FAM149A: variants seen among roughly 807,000 people sequenced by gnomAD.
The protein encoded by FAM149A is family with sequence similarity 149 member A, also known as protein FAM149A.
Under a neutral mutation model 78.2 loss-of-function variants are expected in FAM149A, and 71 were observed. The observed-to-expected ratio is 0.91, with a 90% CI of 0.75 to 1.11. The LOEUF is 1.11. Among genes scored for constraint, FAM149A ranks in the 50% least tolerant of loss-of-function variants. FAM149A has a pLI of 0.00. For missense variants in FAM149A, 1,036 were observed against 971.0 expected (o/e 1.07, Z -0.89); for synonymous variants, 446 against 410.5 (o/e 1.09, Z -1.04).
At chr4:186,106,907 A>G (rs908730223) in intron 1 of FAM149A, among the ~76,000 whole-genome samples, 25 of 152,308 alleles carry the variant, frequency 1.6e-4, no homozygotes, top group Non-Finnish European at 2.1e-4. Context: ...CCAAGATCGC[A>G]CCATTGCGCT....
intron 1 of FAM149A, among the ~76,000 whole-genome samples, chr4:186,143,288 G>C (rs921788673): frequency 6.7e-6 from 1 of 149,754 alleles, no homozygotes; most frequent in Admixed American, 6.7e-5. Flanking sequence ...CATCACACCA[G>C]ACTCCTTTCT....
In FAM149A at chr4:186,105,089, G is replaced by C. The variant is rs1332941872; in HGVS notation, c.13G>C (p.Val5Leu). 1 of 1,280,340 alleles carries C rather than the reference G, an allele frequency of 7.8e-7. No homozygotes were observed. The highest frequency in any genetic ancestry group is 2.3e-5 in the Admixed American group (1 of 43,192). The allele number at this position is 1,280,340 out of a possible 1,614,324, so 79.3% of individuals were successfully genotyped here. The change falls in exon 1 of 14, where the codon GTG (valine) becomes CTG (leucine). Residue 5 changes from valine (V) to leucine (L), a missense_variant. By Grantham distance (32) the Val-to-Leu change is conservative. This residue lies in a region of FAM149A where 316 missense variants were observed against 241.9 expected (regional missense o/e 1.31). Coordinates refer to ENST00000389354, the MANE Select transcript of FAM149A (RefSeq NM_001367768.3). Reference sequence around the variant, plus strand: ...CCACTGTCGAGGCATGAAGGCTGCTGTGCTGGACCTTGGGTCTCTCTTGGC... The same window carrying C: ...CCACTGTCGAGGCATGAAGGCTGCTCTGCTGGACCTTGGGTCTCTCTTGGC...
intron 1 of FAM149A, chr4:186,116,447 T>C (rs1004832202): frequency 1.0e-6 from 1 of 984,152 alleles, no homozygotes; most frequent in African/African-American, 1.7e-5. Context: ...ATTACAGTCA[T>C]ATGACCATTA....
At chr4:186,150,132 G>C (rs967758785) in intron 3 of FAM149A, among the ~76,000 whole-genome samples, 2 of 129,302 alleles carry the variant, frequency 1.5e-5, no homozygotes, top group African/African-American at 5.0e-5. Context: ...CCTACCGCTG[G>C]GGGCGCTGTT....
intron 5 of FAM149A, 138 bp downstream of exon 5, chr4:186,153,908 C>A: frequency 1.2e-6 from 1 of 839,022 alleles, no homozygotes. Context: ...GTACAGAGAA[C>A]AATTTTTATA....
At chr4:186,106,192 G>A (rs2099308698) in intron 1 of FAM149A, among the ~76,000 whole-genome samples, 1 of 152,082 alleles carries the variant, frequency 6.6e-6, no homozygotes, top group South Asian at 2.1e-4. Flanking sequence ...GCCAGGACAC[G>A]TCTGATTATT....
chr4:186,157,965 C>T (rs1444733279), intron 8 of FAM149A: 4 of 1,515,180 alleles, frequency 2.6e-6, no homozygotes, highest in African/African-American at 1.4e-5. Flanking sequence ...GGTAGGAGCC[C>T]ACGCAGGCGG....
intron 1 of FAM149A, among the ~76,000 whole-genome samples, chr4:186,130,757 T>C (rs1339583433): frequency 6.6e-6 from 1 of 152,010 alleles, no homozygotes; most frequent in East Asian, 1.9e-4. Flanking sequence ...CTCATAGATA[T>C]GAGATGGATT....
intron 10 of FAM149A, 81 bp from the exon 11 acceptor site, chr4:186,165,263 A>G (rs1332566272): frequency 1.0e-5 from 16 of 1,525,228 alleles, no homozygotes; most frequent in Middle Eastern, 1.7e-4. Flanking sequence ...AAACATTGAA[A>G]TCACAGCTCT....
At chr4:186,150,972 G>T (rs1445627391) in intron 3 of FAM149A, 8 of 942,424 alleles carry the variant, frequency 8.5e-6, no homozygotes, top group Non-Finnish European at 1.0e-5. Flanking sequence ...CGCCTGCCTG[G>T]GCCTCCCATG....
intron 1 of FAM149A, chr4:186,117,547 G>T: frequency 2.0e-6 from 2 of 985,442 alleles, no homozygotes; most frequent in Non-Finnish European, 2.4e-6. Context: ...GGACACCTGG[G>T]GCTTGGGAGG....
rs1444099189 is a variant in FAM149A at position 186,173,863 on chromosome 4, T to C, written c.*1876T>C. 2.7e-5 allele frequency among the ~76,000 whole-genome samples: 3 copies of C among 112,052 alleles called. No homozygotes were observed. The highest frequency in any genetic ancestry group is 8.4e-5 in the African/African-American group (3 of 35,702). The allele number at this position is 112,052 out of a possible 152,430, so 73.5% of individuals were successfully genotyped here. A position where few individuals can be genotyped will look rare whatever the true frequency, so the allele number is the denominator to read the frequency against. On this transcript the variant is annotated 3_prime_UTR_variant, in exon 14 of 14. Transcript: ENST00000389354. ...TCCTAAACATTAGCAATAGAAACTT[T>C]TAAGAGCAAATGCCAGTCTTAATTC...
In FAM149A at chr4:186,165,423, A is replaced by AG. The variant is rs745450507; in HGVS notation, c.1974dup (p.Gln659AlafsTer28). On this transcript the variant is annotated frameshift_variant, in exon 11 of 14. Coordinates refer to ENST00000389354, the MANE Select transcript of FAM149A (RefSeq NM_001367768.3). LOFTEE classifies it high-confidence loss of function. ...GTTCCCCCCGCTAGTCACGGAGACC[A>AG]GGGGGCAGAATACAGCAGTTCCTGG... 6.2e-7 allele frequency: 1 copy of AG among 1,614,108 alleles called. No homozygotes were observed. Among genetic ancestry groups the AG allele is most frequent in the Non-Finnish European group, 8.5e-7 (1 of 1,179,946 alleles).
rs1423143712 is a variant in FAM149A, at chr4:186,132,148, G to A, written c.567-17025G>A. The A allele has an allele frequency of 1.6e-5, 16 of 985,278 alleles. 1 individual carries two copies. The South Asian group carries it at 1.9e-4, about 12-fold the overall frequency. 61.0% of individuals were successfully genotyped at this position (985,278 alleles called of 1,614,324 possible). A position where few individuals can be genotyped will look rare whatever the true frequency, so the allele number is the denominator to read the frequency against. ...ATCATTTGACAAATTACCTTGGTAC[G>A]AGATTTTCCAGTTTATGTCACTTTT... On this transcript the variant is annotated intron_variant, in intron 1 of 13. Coordinates refer to ENST00000389354, the MANE Select transcript of FAM149A (RefSeq NM_001367768.3).
chr4:186,171,904 G>A lies in FAM149A; in HGVS notation c.2219-10G>A, dbSNP rs371451227. On this transcript the variant is annotated splice_polypyrimidine_tract_variant and intron_variant, in intron 13 of 13. Coordinates refer to ENST00000389354, the MANE Select transcript of FAM149A (RefSeq NM_001367768.3). ...TTTAATGAGAATTACCTTTTGCTTG[G>A]TGTTTCCAGGTTCACAATATGTGCC... is the stretch of plus-strand genomic sequence containing the variant. 4.4e-6 allele frequency: 7 copies of A among 1,600,114 alleles called. No homozygotes were observed. Among genetic ancestry groups the A allele is most frequent in the African/African-American group, 2.7e-5 (2 of 74,194 alleles).
At chr4:186,140,602 C>T (rs2099325404) in intron 1 of FAM149A, among the ~76,000 whole-genome samples, 4 of 152,028 alleles carry the variant, frequency 2.6e-5, no homozygotes, top group Non-Finnish European at 1.5e-5. Context: ...AATGAATTCG[C>T]CAAACTAGGC....
rs1296403927 is a variant in FAM149A at position 186,116,470 on chromosome 4, A to G, written c.566+10828A>G. ...CATATGACCATTACTGTCATTAAAG[A>G]TAATAATGAATTCAACTTGGTTTTC... On this transcript the variant is annotated intron_variant, in intron 1 of 13. Coordinates refer to ENST00000389354, the MANE Select transcript of FAM149A (RefSeq NM_001367768.3). 3.0e-6 allele frequency: 3 copies of G among 984,340 alleles called. 1 individual carries two copies. The highest frequency in any genetic ancestry group is 9.4e-5 in the South Asian group (2 of 21,266). 61.0% of individuals were successfully genotyped at this position (984,340 alleles called of 1,614,324 possible).
intron 1 of FAM149A, among the ~76,000 whole-genome samples, chr4:186,124,512 T>G (rs1447716543): frequency 1.4e-5 from 2 of 147,726 alleles, no homozygotes; most frequent in South Asian, 2.2e-4. Context: ...GAACATGTGG[T>G]GTTTGGGTTT....
chr4:186,144,641 G>A lies in FAM149A; in HGVS notation c.567-4532G>A, dbSNP rs1002537882. 5.4e-5 allele frequency: 11 copies of A among 202,726 alleles called. No homozygotes were observed. Among genetic ancestry groups the A allele is most frequent in the Non-Finnish European group, 7.9e-5 (9 of 113,812 alleles). The allele number at this position is 202,726 out of a possible 1,614,324, so 12.6% of individuals were successfully genotyped here. On this transcript the variant is annotated intron_variant, in intron 1 of 13. Transcript: ENST00000389354. The surrounding 1 kb of genome is among the most constrained non-coding windows in gnomAD (Gnocchi z 4.2). ...ACCCGGGAAGGAGTAGGGAGGCCGG[G>A]CCGTGCGCGGAGGAGTGGCCGCTGG...
Sources: allele counts gnomAD v4.1 joint callset (sites outside exome capture counted in the v4.1 genomes callset), GRCh38; gene constraint gnomAD v4.1.1; regional missense constraint gnomAD v4.1.1; non-coding constraint Gnocchi (gnomAD v3.1); transcripts MANE v1.5; gene names NCBI Gene and HGNC (gene_info 2026-07-23, HGNC 2026-07-21).